The following ZNF804B variants were observed in gnomAD, a reference collection of about 807,000 sequenced individuals.
The protein encoded by ZNF804B is zinc finger 804B.
A neutral mutation model predicts 101.4 loss-of-function variants in ZNF804B; 80 were observed. That is an observed-to-expected ratio of 0.79 (90% CI 0.66 to 0.95). The LOEUF (loss-of-function observed/expected upper bound fraction) is 0.95, where lower values mean the gene tolerates loss of function less well. ZNF804B is among the 40% of genes least tolerant of loss of function. ZNF804B has a pLI of 0.00. For missense variants in ZNF804B, 1,673 were observed against 1,561.9 expected (o/e 1.07, Z -1.20); for synonymous variants, 622 against 558.8 (o/e 1.11, Z -1.59).
chr7:88,932,362 A>T (rs761441208), intron 1 of ZNF804B, among the ~76,000 whole-genome samples: 1 of 151,930 alleles, frequency 6.6e-6, no homozygotes, highest in Non-Finnish European at 1.5e-5. Flanking sequence ...GAACAAACTA[A>T]ATCCAAACCC....
intron 1 of ZNF804B, among the ~76,000 whole-genome samples, chr7:89,059,118 A>G (rs556357029): frequency 6.6e-6 from 1 of 152,284 alleles, no homozygotes; most frequent in African/African-American, 2.4e-5. Flanking sequence ...AAAATCCTAA[A>G]TATAAATATC....
intron 1 of ZNF804B, among the ~76,000 whole-genome samples, chr7:89,051,582 T>A (rs527739900): frequency 6.6e-6 from 1 of 152,290 alleles, no homozygotes; most frequent in African/African-American, 2.4e-5. Flanking sequence ...AAAAACATGA[T>A]CTTCATGTCC....
rs116444543 is a variant in ZNF804B, at chr7:89,220,197, G to C, written c.249+1902G>C. ...TATGTGTGTATATATATATATCCTTGGGAAATGCCAGCCTGACGAAGACAC... is the reference window on the plus strand; with the variant it reads ...TATGTGTGTATATATATATATCCTTCGGAAATGCCAGCCTGACGAAGACAC... On this transcript the variant is annotated intron_variant, in intron 2 of 3. Transcript: ENST00000333190. Among the ~76,000 whole-genome samples the C allele has an allele frequency of 5.1e-3, 392 of 76,292 alleles. 8 individuals carry two copies. Among genetic ancestry groups the C allele is most frequent in the African/African-American group, 0.018 (370 of 20,444 alleles). The allele number at this position is 76,292 out of a possible 152,430, so 50.1% of individuals were successfully genotyped here. A position where few individuals can be genotyped will look rare whatever the true frequency, so the allele number is the denominator to read the frequency against.
At chr7:89,151,420 C>T (rs1029612978) in intron 1 of ZNF804B, among the ~76,000 whole-genome samples, 2 of 151,982 alleles carry the variant, frequency 1.3e-5, no homozygotes, top group African/African-American at 2.4e-5. Flanking sequence ...ATTGTACAAT[C>T]TAGAAATAAC....
At chr7:88,784,156 A>G (rs1032753347) in intron 1 of ZNF804B, among the ~76,000 whole-genome samples, 3 of 152,174 alleles carry the variant, frequency 2.0e-5, no homozygotes, top group Non-Finnish European at 4.4e-5. Context: ...AGCAAAATTT[A>G]TAAATACAAT....
chr7:88,760,152 G>A lies in ZNF804B; in HGVS notation c.108+68G>A, dbSNP rs186713991. The A allele has an allele frequency of 9.5e-5, 124 of 1,311,656 alleles. No individual in the cohort carries two copies. The African/African-American group carries it at 1.7e-3, about 18-fold the overall frequency. The allele number at this position is 1,311,656 out of a possible 1,614,324, so 81.3% of individuals were successfully genotyped here. A position where few individuals can be genotyped will look rare whatever the true frequency, so the allele number is the denominator to read the frequency against. Reference sequence around the variant, plus strand: ...CTCAACACAAACAAAAAGATATTGAGAGATAGTATCCTGATACAATGAGTA... The same window carrying A: ...CTCAACACAAACAAAAAGATATTGAAAGATAGTATCCTGATACAATGAGTA... On this transcript the variant is annotated intron_variant, in intron 1 of 3. Transcript: ENST00000333190.
At chr7:88,833,449 A>G (rs888208535) in intron 1 of ZNF804B, among the ~76,000 whole-genome samples, 8 of 152,042 alleles carry the variant, frequency 5.3e-5, no homozygotes, top group South Asian at 2.1e-4. Context: ...AAGTGATTAC[A>G]TGTATCTGAC....
intron 1 of ZNF804B, among the ~76,000 whole-genome samples, chr7:88,899,665 TTC>T (rs1331656415): frequency 6.6e-6 from 1 of 152,286 alleles, no homozygotes; most frequent in Non-Finnish European, 1.5e-5. Flanking sequence ...TTCTCATTAC[TTC>T]TGGAATCAAT....
intron 2 of ZNF804B, among the ~76,000 whole-genome samples, chr7:89,236,377 C>T (rs1238298390): frequency 6.6e-6 from 1 of 151,856 alleles, no homozygotes; most frequent in Non-Finnish European, 1.5e-5. Context: ...ACATATTGAG[C>T]CAACTGTTAT....
At chr7:89,083,028 T>C (rs1789719949) in intron 1 of ZNF804B, among the ~76,000 whole-genome samples, 1 of 151,792 alleles carries the variant, frequency 6.6e-6, no homozygotes, top group South Asian at 2.1e-4. Flanking sequence ...TAATATTATT[T>C]TGAGTAAAGG....
At chr7:88,926,279 C>T (rs1203888189) in intron 1 of ZNF804B, among the ~76,000 whole-genome samples, 2 of 151,924 alleles carry the variant, frequency 1.3e-5, no homozygotes, top group African/African-American at 2.4e-5. Context: ...TAATTCTGTT[C>T]TGTTCTTTTA....
chr7:89,327,425 G>C lies in ZNF804B; in HGVS notation c.331G>C (p.Ala111Pro). 6.2e-7 allele frequency: 1 copy of C among 1,611,392 alleles called. No homozygotes were observed. Among genetic ancestry groups the C allele is most frequent in the Non-Finnish European group, 8.5e-7 (1 of 1,178,540 alleles). ...SWKDEKKQEK[A>P]LKRLHQLAEL... is the part of the protein sequence containing the mutation. Reference sequence around the variant, plus strand: ...GAAAGATGAGAAAAAACAAGAAAAAGCACTTAAACGACTTCATCAGCTGGC... The same window carrying C: ...GAAAGATGAGAAAAAACAAGAAAAACCACTTAAACGACTTCATCAGCTGGC... The change falls in exon 3 of 4, where the codon GCA becomes CCA. Residue 111 changes from alanine (A) to proline (P), a missense_variant. Physicochemically the swap from Ala to Pro is conservative, Grantham distance 27 (BLOSUM62 -1). Coordinates refer to ENST00000333190, the MANE Select transcript of ZNF804B (RefSeq NM_181646.5).
In ZNF804B at chr7:89,169,176, A is replaced by G. The variant is rs372350995; in HGVS notation, c.109-48979A>G. ...AGTGAAAGTCAATGGCAGGTCTGTGATGGTGGGGAACAGCAGTGGTGGACA... is the reference window on the plus strand; with the variant it reads ...AGTGAAAGTCAATGGCAGGTCTGTGGTGGTGGGGAACAGCAGTGGTGGACA... On this transcript the variant is annotated intron_variant, in intron 1 of 3. Coordinates refer to ENST00000333190, the MANE Select transcript of ZNF804B (RefSeq NM_181646.5). Among the ~76,000 whole-genome samples, 345 of 152,244 alleles carry G rather than the reference A, an allele frequency of 2.3e-3. 6 individuals are homozygous for G. The highest frequency in any genetic ancestry group is 0.017 in the Admixed American group (267 of 15,294).
At chr7:88,833,851 T>G (rs1165938773) in intron 1 of ZNF804B, among the ~76,000 whole-genome samples, 1 of 151,846 alleles carries the variant, frequency 6.6e-6, no homozygotes, top group Non-Finnish European at 1.5e-5. Context: ...TCCAGTAGAT[T>G]TATGTAACTT....
chr7:89,260,166 C>G (rs1050993426), intron 2 of ZNF804B, among the ~76,000 whole-genome samples: 1 of 152,190 alleles, frequency 6.6e-6, no homozygotes, highest in Non-Finnish European at 1.5e-5. Flanking sequence ...ACAACGAAGA[C>G]TGCCAGCTGG....
At chr7:88,903,655 G>A (rs1363002063) in intron 1 of ZNF804B, among the ~76,000 whole-genome samples, 2 of 152,114 alleles carry the variant, frequency 1.3e-5, no homozygotes, top group African/African-American at 4.8e-5. Context: ...ATTCTGAGTA[G>A]TGTGAGATGG....
intron 1 of ZNF804B, among the ~76,000 whole-genome samples, chr7:89,071,777 A>G (rs1456275656): frequency 1.7e-5 from 2 of 119,692 alleles, no homozygotes; most frequent in African/African-American, 4.1e-5. Flanking sequence ...TGCACACACA[A>G]ATGTACACAC....
intron 2 of ZNF804B, among the ~76,000 whole-genome samples, chr7:89,301,325 G>A (rs568011163): frequency 2.1e-5 from 3 of 139,996 alleles, no homozygotes; most frequent in Non-Finnish European, 4.6e-5. Flanking sequence ...GTGGCCTGCA[G>A]TCGTTGATCT....
intron 2 of ZNF804B, among the ~76,000 whole-genome samples, chr7:89,300,276 C>T (rs1337546219): frequency 6.6e-6 from 1 of 151,676 alleles, no homozygotes; most frequent in African/African-American, 2.4e-5. Flanking sequence ...TTACCTTCCC[C>T]TATTTTGCAC....
Sources: allele counts gnomAD v4.1 joint callset (sites outside exome capture counted in the v4.1 genomes callset), GRCh38; gene constraint gnomAD v4.1.1; transcripts MANE v1.5; gene names NCBI Gene and HGNC (gene_info 2026-07-23, HGNC 2026-07-21).